The following SYT4 variants were observed in gnomAD, a reference collection of about 807,000 sequenced individuals.
SYT4 encodes the protein synaptotagmin 4, also known as synaptotagmin-4.
Under a neutral mutation model 32.9 loss-of-function variants are expected in SYT4, and 7 were observed. The observed-to-expected ratio is 0.21, with a 90% CI of 0.12 to 0.40. The LOEUF (loss-of-function observed/expected upper bound fraction) is 0.40. SYT4 is among the 10% of genes least tolerant of loss of function. The pLI is 1.00. For missense variants in SYT4, 480 were observed against 488.0 expected, an observed-to-expected ratio of 0.98 and a Z score of 0.16; for synonymous variants, 205 against 186.2, an observed-to-expected ratio of 1.10 and a Z score of -0.82.
Position 43,269,701 on chromosome 18 carries a change from G to T in SYT4, c.*640C>A, listed in dbSNP as rs1039761234. The T allele has an allele frequency of 2.0e-5, 3 of 152,918 alleles. No individual in the cohort carries two copies. The highest frequency in any genetic ancestry group is 7.2e-5 in the African/African-American group (3 of 41,442). 9.5% of individuals were successfully genotyped at this position (152,918 alleles called of 1,614,324 possible). A position where few individuals can be genotyped will look rare whatever the true frequency, so the allele number is the denominator to read the frequency against. ...AGAAAAATTATATTTCAGCCACAGT[G>T]TTCTCAACTCAGCCCTTTGATAAAA... On this transcript the variant is annotated 3_prime_UTR_variant, in exon 4 of 4. Transcript: ENST00000255224.
chr18:43,270,329 A>G lies in SYT4; in HGVS notation c.*12T>C. On this transcript the variant is annotated 3_prime_UTR_variant, in exon 4 of 4. Coordinates refer to ENST00000255224, the MANE Select transcript of SYT4 (RefSeq NM_020783.4). ...AGTAAAAACCTTTAAGTTCCAACTC[A>G]CGGCTAGGATGCTAACCATCACAGA... 6.2e-7 allele frequency: 1 copy of G among 1,606,726 alleles called. No homozygotes were observed. Among genetic ancestry groups the G allele is most frequent in the Non-Finnish European group, 8.5e-7 (1 of 1,174,666 alleles).
At chr18:43,272,150 T>C (rs1172718692) in intron 2 of SYT4, 1 of 169,838 alleles carries the variant, frequency 5.9e-6, no homozygotes, top group African/African-American at 2.4e-5. Flanking sequence ...GGCTTTTGGT[T>C]TTTAATAACA....
At chr18:43,277,164 A>G (rs1019572275) in intron 1 of SYT4, 84 bp downstream of exon 1, 63 of 1,560,254 alleles carry the variant, frequency 4.0e-5, no homozygotes, top group Non-Finnish European at 5.1e-5. Flanking sequence ...GTATTCAACA[A>G]CCGGGCAAAA....
chr18:43,274,067 G>A lies in SYT4; in HGVS notation c.362C>T (p.Ala121Val). ...CCCTTCTAAAAAGAGCTTCGGGGTT[G>A]CATTCTCCAGATCAGAAGGACTGCC... ...KPGSPSDLENATPKLFLEGEK... is the reference protein window; with the variant it reads ...KPGSPSDLENVTPKLFLEGEK... The change falls in exon 2 of 4, where the codon GCA (alanine) becomes GTA (valine). Residue 121 changes from alanine (A) to valine (V), a missense_variant. Coordinates refer to ENST00000255224, the MANE Select transcript of SYT4 (RefSeq NM_020783.4). 6.2e-7 allele frequency: 1 copy of A among 1,614,034 alleles called. No homozygotes were observed. The highest frequency in any genetic ancestry group is 8.5e-7 in the Non-Finnish European group (1 of 1,179,956).
At chr18:43,272,785 G>A (rs943770422) in intron 2 of SYT4, among the ~76,000 whole-genome samples, 9 of 152,136 alleles carry the variant, frequency 5.9e-5, no homozygotes, top group Middle Eastern at 3.4e-3. Flanking sequence ...AACCTTGACC[G>A]TCATTAATTT....
chr18:43,274,071 T>C lies in SYT4; in HGVS notation c.358A>G (p.Asn120Asp), dbSNP rs1416506316. 2 of 1,614,042 alleles carry C rather than the reference T, an allele frequency of 1.2e-6. No homozygotes were observed. Among genetic ancestry groups the C allele is most frequent in the Admixed American group, 1.7e-5 (1 of 60,008 alleles). ...TCTAAAAAGAGCTTCGGGGTTGCAT[T>C]CTCCAGATCAGAAGGACTGCCAGGT... ...LKPGSPSDLENATPKLFLEGE... is the reference protein window; with the variant it reads ...LKPGSPSDLEDATPKLFLEGE... The change falls in exon 2 of 4, where the codon AAT (asparagine) becomes GAT (aspartate). Residue 120 changes from asparagine (N) to aspartate (D), a missense_variant. Physicochemically the swap from Asn to Asp is conservative, Grantham distance 23. Coordinates refer to ENST00000255224, the MANE Select transcript of SYT4 (RefSeq NM_020783.4).
At chr18:43,275,610 C>G (rs902655528) in intron 1 of SYT4, among the ~76,000 whole-genome samples, 1 of 152,048 alleles carries the variant, frequency 6.6e-6, no homozygotes, top group Admixed American at 6.6e-5. Flanking sequence ...CCCCATCCCC[C>G]CAAATCTTCT....
chr18:43,273,903 C>T lies in SYT4; in HGVS notation c.526G>A (p.Glu176Lys). ...TCCATGGCTGGCAAGCCACGGGCTT[C>T]CTTGATATTGACCACAAATGCTTTT... ...ERKAFVVNIKEARGLPAMDEQ... is the reference protein window; with the variant it reads ...ERKAFVVNIKKARGLPAMDEQ... The change falls in exon 2 of 4, where the codon GAA becomes AAA. Residue 176 changes from glutamate (E) to lysine (K), a missense_variant. Coordinates refer to ENST00000255224, the MANE Select transcript of SYT4 (RefSeq NM_020783.4). The T allele has an allele frequency of 6.2e-7, 1 of 1,614,034 alleles. No individual in the cohort carries two copies. Among genetic ancestry groups the T allele is most frequent in the Non-Finnish European group, 8.5e-7 (1 of 1,179,956 alleles).
chr18:43,269,593 C>T lies in SYT4; in HGVS notation c.*748G>A, dbSNP rs1908562244. 1 of 152,608 alleles carries T rather than the reference C, an allele frequency of 6.6e-6. No individual in the cohort carries two copies. The highest frequency in any genetic ancestry group is 2.4e-5 in the African/African-American group (1 of 41,438). 9.5% of individuals were successfully genotyped at this position (152,608 alleles called of 1,614,324 possible). A position where few individuals can be genotyped will look rare whatever the true frequency, so the allele number is the denominator to read the frequency against. ...TCTCAGGCCACACTGAGGCTTGTGA[C>T]AGGCAGTGAATAATCCAAGGCCATG... is the stretch of plus-strand genomic sequence containing the variant. On this transcript the variant is annotated 3_prime_UTR_variant, in exon 4 of 4. Transcript: ENST00000255224.
chr18:43,272,901 T>C (rs1908673301), intron 2 of SYT4, among the ~76,000 whole-genome samples: 1 of 152,196 alleles, frequency 6.6e-6, no homozygotes, highest in South Asian at 2.1e-4. Context: ...TTATAAATCA[T>C]TGTATTATAG....
chr18:43,273,993 T>G lies in SYT4; in HGVS notation c.436A>C (p.Thr146Pro). 6.2e-7 allele frequency: 1 copy of G among 1,613,942 alleles called. No homozygotes were observed. The highest frequency in any genetic ancestry group is 1.3e-5 in the African/African-American group (1 of 75,038). Residue 146 changes from threonine to proline, a missense_variant, in exon 2 of 4, where the codon ACT becomes CCT. Physicochemically the swap from Thr to Pro is conservative, Grantham distance 38. Transcript: ENST00000255224. ...PESLKSSTSL[T>P]SEEKQEKLGT... ...AGCTTCTCTTGTTTCTCTTCTGAAG[T>G]AAGGGAAGTGCTGGACTTTAAACTC...
chr18:43,273,422 G>A (rs115168632), intron 2 of SYT4, among the ~76,000 whole-genome samples, 158 bp downstream of exon 2: 1,941 of 152,014 alleles, frequency 0.013, 33 homozygotes, highest in African/African-American at 0.043. Context: ...TATTTCATCT[G>A]TTCTATTCCC....
chr18:43,273,776 G>A lies in SYT4; in HGVS notation c.653C>T (p.Ala218Val). The A allele has an allele frequency of 6.2e-7, 1 of 1,614,028 alleles. No individual in the cohort carries two copies. The change falls in exon 2 of 4, where the codon GCT becomes GTT. Residue 218 changes from alanine (A) to valine (V), a missense_variant. Coordinates refer to ENST00000255224, the MANE Select transcript of SYT4 (RefSeq NM_020783.4). Reference protein sequence around the residue: ...TRVLRKTLDPAFDETFTFYGI... With the variant: ...TRVLRKTLDPVFDETFTFYGI... ...ATAGAATGTAAAGGTCTCATCAAAA[G>A]CTGGATCCAAGGTTTTTCTCAGCAC...
chr18:43,270,258 C>T lies in SYT4; in HGVS notation c.*83G>A, dbSNP rs1908584836. ...ACAACAAAAAGGTAGCTTGATTTCC[C>T]AAGCTTGCAATCCAATATAGAAAGA... is the stretch of plus-strand genomic sequence containing the variant. On this transcript the variant is annotated 3_prime_UTR_variant, in exon 4 of 4. Coordinates refer to ENST00000255224, the MANE Select transcript of SYT4 (RefSeq NM_020783.4). 6.9e-7 allele frequency: 1 copy of T among 1,449,114 alleles called. No homozygotes were observed. Among genetic ancestry groups the T allele is most frequent in the Non-Finnish European group, 9.3e-7 (1 of 1,069,810 alleles). 89.8% of individuals were successfully genotyped at this position (1,449,114 alleles called of 1,614,324 possible).
intron 3 of SYT4, among the ~76,000 whole-genome samples, chr18:43,270,973 G>T (rs1908612497): frequency 6.6e-6 from 1 of 152,102 alleles, no homozygotes; most frequent in Non-Finnish European, 1.5e-5. Flanking sequence ...TTACTCCAGA[G>T]AATAGGATAG....
intron 2 of SYT4, among the ~76,000 whole-genome samples, chr18:43,273,055 C>T (rs1908679050): frequency 6.6e-6 from 1 of 151,958 alleles, no homozygotes; most frequent in South Asian, 2.1e-4. Flanking sequence ...AATAGCGGGA[C>T]TCATTTCCTA....
At position 43,270,622 on chromosome 18, in the gene SYT4, G is replaced by A. The variant is rs1908599774; in HGVS notation, c.997C>T (p.His333Tyr). The A allele has an allele frequency of 1.2e-6, 2 of 1,613,652 alleles. No homozygotes were observed. Among genetic ancestry groups the A allele is most frequent in the African/African-American group, 1.3e-5 (1 of 74,810 alleles). ...TTCTTGGAGATTCTCTTTTTGGCAT[G>A]GTACAGGTTCACTTTGACATAGGGA... ...SDPYVKVNLY[H>Y]AKKRISKKKT... Residue 333 changes from histidine to tyrosine, a missense_variant, in exon 4 of 4, where the codon CAT (histidine) becomes TAT (tyrosine). By Grantham distance (83) the His-to-Tyr change is moderately conservative. Transcript: ENST00000255224.
At chr18:43,270,760 A>C in intron 3 of SYT4, 112 bp from the exon 4 acceptor site, 1 of 1,115,952 alleles carries the variant, frequency 9.0e-7, no homozygotes. Flanking sequence ...GGTTACCAGG[A>C]AAATAAGTCA....
chr18:43,273,661 T>C lies in SYT4; in HGVS notation c.768A>G (p.Glu256=). The C allele has an allele frequency of 6.2e-7, 1 of 1,613,956 alleles. No individual in the cohort carries two copies. The highest frequency in any genetic ancestry group is 1.1e-5 in the South Asian group (1 of 91,074). ...DRFSRDDIIG[E]VLIPLSGIEL... is the part of the protein sequence containing the mutation. ...CAATTCCCGAGAGAGGAATTAGAAC[T>C]TCCCCAATGATATCATCTCTTGAAA... is the stretch of plus-strand genomic sequence containing the variant. Residue 256 remains glutamate, a synonymous_variant, in exon 2 of 4, where the codon GAA becomes GAG. Transcript: ENST00000255224.
Sources: gnomAD v4.1 joint callset for allele counts (sites outside exome capture counted in the v4.1 genomes callset) on GRCh38, gnomAD v4.1.1 for gene constraint, MANE v1.5 for transcripts, NCBI Gene and HGNC (gene_info 2026-07-23, HGNC 2026-07-21) for gene names.